ADAMTS19: variants seen among roughly 807,000 people sequenced by gnomAD.
ADAMTS19 encodes ADAM metallopeptidase with thrombospondin type 1 motif 19.
In ADAMTS19, 93 loss-of-function variants were observed where a neutral mutation model predicts 153.3. That is an observed-to-expected ratio of 0.61 (90% CI 0.51 to 0.72). ADAMTS19 has a LOEUF of 0.72. Ranked by LOEUF, ADAMTS19 falls within the 30% of genes least tolerant of loss-of-function variation. The probability of loss-of-function intolerance (pLI) is 0.00; values close to 1 mark genes in which losing one functional copy is unlikely to be tolerated. For missense variants in ADAMTS19, 1,482 were observed against 1,552.1 expected, an observed-to-expected ratio of 0.95 and a Z score of 0.76; for synonymous variants, 600 against 556.6, an observed-to-expected ratio of 1.08 and a Z score of -1.10.
At chr5:129,556,108 A>G (rs1459774409) in intron 7 of ADAMTS19, among the ~76,000 whole-genome samples, 1 of 152,158 alleles carries the variant, frequency 6.6e-6, no homozygotes, top group Non-Finnish European at 1.5e-5. Context: ...AATAATTTTT[A>G]CCACCTTCTC....
chr5:129,533,429 C>T (rs920507102), intron 6 of ADAMTS19, among the ~76,000 whole-genome samples: 9 of 152,050 alleles, frequency 5.9e-5, no homozygotes, highest in African/African-American at 1.4e-4. Flanking sequence ...TCTGTGGGAT[C>T]GGTGGTGATA....
intron 7 of ADAMTS19, among the ~76,000 whole-genome samples, chr5:129,570,201 A>C (rs1029810903): frequency 3.3e-5 from 5 of 151,974 alleles, no homozygotes; most frequent in Admixed American, 3.3e-4. Flanking sequence ...AAAGAAAAAT[A>C]GAAAGTAGAA....
chr5:129,469,452 A>T (rs369136334), intron 2 of ADAMTS19, among the ~76,000 whole-genome samples: 2 of 152,182 alleles, frequency 1.3e-5, no homozygotes, highest in East Asian at 3.9e-4. Context: ...AGGAGAGTAA[A>T]TTTGTAGAGT....
intron 10 of ADAMTS19, among the ~76,000 whole-genome samples, chr5:129,637,499 G>A (rs1163976550): frequency 6.6e-6 from 1 of 152,098 alleles, no homozygotes; most frequent in Non-Finnish European, 1.5e-5. Context: ...GTTGTGCAGG[G>A]ACATGGATAG....
At chr5:129,643,705 T>C (rs896564436) in intron 11 of ADAMTS19, among the ~76,000 whole-genome samples, 1 of 152,190 alleles carries the variant, frequency 6.6e-6, no homozygotes, top group African/African-American at 2.4e-5. Flanking sequence ...TTCTGTGAAA[T>C]ATCAGTTAAT....
intron 16 of ADAMTS19, among the ~76,000 whole-genome samples, chr5:129,678,977 T>A (rs1366959378): frequency 6.6e-6 from 1 of 152,166 alleles, no homozygotes; most frequent in East Asian, 1.9e-4. Context: ...GTCTAAAAGT[T>A]TAAATTAAAC....
At chr5:129,633,296 A>G (rs1406769037) in intron 10 of ADAMTS19, among the ~76,000 whole-genome samples, 2 of 152,158 alleles carry the variant, frequency 1.3e-5, no homozygotes, top group Non-Finnish European at 2.9e-5. Flanking sequence ...CTCACTAGGT[A>G]TATTCATAGA....
intron 21 of ADAMTS19, among the ~76,000 whole-genome samples, chr5:129,730,674 G>A (rs528602316): frequency 4.7e-4 from 71 of 152,098 alleles, no homozygotes; most frequent in African/African-American, 1.3e-3. Flanking sequence ...AACTCAGACC[G>A]CACAGCATAA....
chr5:129,524,018 A>G (rs1751916533), intron 3 of ADAMTS19, among the ~76,000 whole-genome samples: 1 of 152,174 alleles, frequency 6.6e-6, no homozygotes, highest in Admixed American at 6.5e-5. Context: ...ATCCTAAGCA[A>G]AAAGAAAAAA....
At chr5:129,556,023 A>G (rs1474516432) in intron 7 of ADAMTS19, among the ~76,000 whole-genome samples, 2 of 152,218 alleles carry the variant, frequency 1.3e-5, no homozygotes, top group African/African-American at 4.8e-5. Flanking sequence ...ATTATTAAGC[A>G]AGTGCTTCCG....
intron 2 of ADAMTS19, among the ~76,000 whole-genome samples, chr5:129,466,358 GTTAA>G (rs1183815234): frequency 4.6e-5 from 7 of 152,014 alleles, no homozygotes; most frequent in Non-Finnish European, 5.9e-5. Context: ...TCAAACTCTT[GTTAA>G]TTAATACAAG....
chr5:129,461,166 G>T lies in ADAMTS19; in HGVS notation c.156G>T (p.Glu52Asp). Residue 52 changes from glutamate to aspartate, a missense_variant, in exon 2 of 23, where the codon GAG (glutamate) becomes GAT (aspartate). Physicochemically the swap from Glu to Asp is conservative, Grantham distance 45 (BLOSUM62 2). This residue lies in a region of ADAMTS19 where 866 missense variants were observed against 827.7 expected (regional missense o/e 1.05). Coordinates refer to ENST00000274487, the MANE Select transcript of ADAMTS19 (RefSeq NM_133638.6). This position sits in a 1 kb window ranked among gnomAD's most constrained non-coding sequence, Gnocchi z 4.6. The part of the protein sequence containing the change: ...EVVFPALWRR[E>D]PVDPAGGSGG... ...TGTTTCCTGCGCTCTGGCGCCGGGA[G>T]CCGGTGGACCCGGCTGGCGGCAGCG... 1 of 1,394,340 alleles carries T rather than the reference G, an allele frequency of 7.2e-7. No homozygotes were observed. The allele number at this position is 1,394,340 out of a possible 1,614,324, so 86.4% of individuals were successfully genotyped here.
At position 129,479,329 on chromosome 5, in the gene ADAMTS19, A is replaced by G. The variant is rs555856841; in HGVS notation, c.747+17572A>G. ...TAACATAGAAATTTGCTGATTTGTA[A>G]TGTAATCTATCTTCTCTTTCTCTTT... On this transcript the variant is annotated intron_variant, in intron 2 of 22. Transcript: ENST00000274487. 3.3e-5 allele frequency among the ~76,000 whole-genome samples: 5 copies of G among 152,328 alleles called. No individual in the cohort carries two copies. In the South Asian group the frequency reaches 1.0e-3, roughly 32 times the overall value.
chr5:129,597,900 CAA>C (rs66501856), intron 8 of ADAMTS19, among the ~76,000 whole-genome samples: 2 of 135,450 alleles, frequency 1.5e-5, no homozygotes, highest in Admixed American at 7.6e-5. Context: ...GTCTCTATCT[CAA>C]AAAAAAAAAA....
At position 129,461,395 on chromosome 5, in the gene ADAMTS19, C is replaced by G. The variant is rs901266461; in HGVS notation, c.385C>G (p.Pro129Ala). Residue 129 changes from proline (P) to alanine (A), a missense_variant, in exon 2 of 23, where the codon CCG becomes GCG. Physicochemically the swap from Pro to Ala is conservative, Grantham distance 27 (BLOSUM62 -1). Transcript: ENST00000274487. This position sits in a 1 kb window ranked among gnomAD's most constrained non-coding sequence, Gnocchi z 4.6. ...EDEELESQEL[P>A]RGSSGAAALS... ...CGAGGAGCTCGAGTCGCAGGAGCTG[C>G]CGCGGGGATCCAGCGGGGCTGCCGC... 7.4e-7 allele frequency: 1 copy of G among 1,353,962 alleles called. No homozygotes were observed. Among genetic ancestry groups the G allele is most frequent in the South Asian group, 1.9e-5 (1 of 51,442 alleles). The allele number at this position is 1,353,962 out of a possible 1,614,324, so 83.9% of individuals were successfully genotyped here.
At chr5:129,469,394 AGACTATCTAGTG>A (rs1749986872) in intron 2 of ADAMTS19, among the ~76,000 whole-genome samples, 2 of 152,186 alleles carry the variant, frequency 1.3e-5, no homozygotes, top group African/African-American at 4.8e-5. Context: ...ATGCAGATTG[AGACTATCTAGTG>A]GACATAATTG....
At chr5:129,687,498 A>C (rs1308354500) in intron 18 of ADAMTS19, among the ~76,000 whole-genome samples, 2 of 152,218 alleles carry the variant, frequency 1.3e-5, no homozygotes, top group African/African-American at 4.8e-5. Context: ...AATTACATTA[A>C]TTACTTCCTA....
chr5:129,531,446 A>T (rs564187374), intron 6 of ADAMTS19, among the ~76,000 whole-genome samples: 1 of 152,220 alleles, frequency 6.6e-6, no homozygotes, highest in South Asian at 2.1e-4. Flanking sequence ...CTAACATGAC[A>T]GAATCTCATC....
chr5:129,593,445 C>T lies in ADAMTS19; in HGVS notation c.1373-3114C>T, dbSNP rs551277267. Among the ~76,000 whole-genome samples the T allele has an allele frequency of 2.7e-4, 41 of 152,296 alleles. No individual in the cohort carries two copies. In the South Asian group the frequency reaches 4.6e-3, roughly 17 times the overall value. On this transcript the variant is annotated intron_variant, in intron 7 of 22. Transcript: ENST00000274487. ...ACCTAGTCATGTCTCAGAACTTTCT[C>T]TCTGAAATCTTAAATACCTAAATCT...
Sources: allele counts gnomAD v4.1 joint callset (sites outside exome capture counted in the v4.1 genomes callset), GRCh38; gene constraint gnomAD v4.1.1; regional missense constraint gnomAD v4.1.1; non-coding constraint Gnocchi (gnomAD v3.1); transcripts MANE v1.5; gene names NCBI Gene and HGNC (gene_info 2026-07-23, HGNC 2026-07-21).